CLYBL: variants seen among roughly 807,000 people sequenced by gnomAD.
The protein encoded by CLYBL is citramalyl-CoA lyase.
A neutral mutation model predicts 38.9 loss-of-function variants in CLYBL; 31 were observed. The ratio of observed to expected loss-of-function variants is 0.80; its 90% CI spans 0.60 to 1.08. The LOEUF (loss-of-function observed/expected upper bound fraction) is 1.08. Ranked by LOEUF, CLYBL falls within the 50% of genes least tolerant of loss-of-function variation. CLYBL has a pLI of 0.00. For missense variants in CLYBL, 434 were observed against 411.6 expected, an observed-to-expected ratio of 1.05 and a Z score of -0.47; for synonymous variants, 171 against 158.6, an observed-to-expected ratio of 1.08 and a Z score of -0.59.
intron 1 of CLYBL, among the ~76,000 whole-genome samples, chr13:99,738,145 A>G (rs1284443361): frequency 1.3e-5 from 2 of 152,356 alleles, no homozygotes; most frequent in Non-Finnish European, 2.9e-5. Context: ...TGATTGAAAT[A>G]TCTGCCTTTA....
chr13:99,666,376 A>T (rs2047481620), intron 1 of CLYBL, among the ~76,000 whole-genome samples: 1 of 151,950 alleles, frequency 6.6e-6, no homozygotes, highest in Non-Finnish European at 1.5e-5. Context: ...CATGGGGATG[A>T]CTCGGTGGGT....
intron 1 of CLYBL, among the ~76,000 whole-genome samples, chr13:99,695,049 G>A (rs577446304): frequency 7.3e-4 from 111 of 152,250 alleles, no homozygotes; most frequent in Admixed American, 1.8e-3. Context: ...CCGCGAGAGC[G>A]ATACGGCTTG....
intron 1 of CLYBL, among the ~76,000 whole-genome samples, chr13:99,692,731 A>G (rs995874242): frequency 5.9e-5 from 9 of 152,118 alleles, no homozygotes; most frequent in African/African-American, 2.2e-4. Flanking sequence ...TTCACTCCCT[A>G]TGCACCCCTC....
chr13:99,752,641 C>T (rs1208817542), intron 1 of CLYBL, among the ~76,000 whole-genome samples: 1 of 152,056 alleles, frequency 6.6e-6, no homozygotes, highest in African/African-American at 2.4e-5. Context: ...GCTGTCCCTG[C>T]GCTGCTGTCT....
At chr13:99,709,302 T>A (rs1473272367) in intron 1 of CLYBL, among the ~76,000 whole-genome samples, 8 of 152,134 alleles carry the variant, frequency 5.3e-5, no homozygotes, top group Non-Finnish European at 1.2e-4. Flanking sequence ...GTTTCAGACT[T>A]CCAGCCTCCA....
In CLYBL at chr13:99,799,352, C is replaced by T. The variant is rs570041014; in HGVS notation, c.249+26342C>T. On this transcript the variant is annotated intron_variant, in intron 2 of 8. Coordinates refer to ENST00000339105, the MANE Select transcript of CLYBL (RefSeq NM_206808.5). ...ATACACATACATATAAATATATACA[C>T]GTATATTGCATGATATACACACATT... 7.0e-5 allele frequency among the ~76,000 whole-genome samples: 10 copies of T among 142,224 alleles called. No homozygotes were observed. The South Asian group carries it at 9.0e-4, about 13-fold the overall frequency. The allele number at this position is 142,224 out of a possible 152,430, so 93.3% of individuals were successfully genotyped here.
intron 1 of CLYBL, among the ~76,000 whole-genome samples, chr13:99,625,059 G>A (rs1002530018): frequency 2.6e-5 from 4 of 152,174 alleles, no homozygotes; most frequent in South Asian, 2.1e-4. Flanking sequence ...TATGGCCAGC[G>A]TGTGGAAGAG....
At chr13:99,864,524 A>T (rs2051690797) in intron 4 of CLYBL, among the ~76,000 whole-genome samples, 1 of 152,254 alleles carries the variant, frequency 6.6e-6, no homozygotes, top group African/African-American at 2.4e-5. Context: ...TAAATAACTT[A>T]TAGTGCAAGC....
chr13:99,691,591 AAAAAACC>A, intron 1 of CLYBL, among the ~76,000 whole-genome samples: 1 of 151,998 alleles, frequency 6.6e-6, no homozygotes, highest in South Asian at 2.1e-4. Context: ...TGACCTAAAA[AAAAAACC>A]AAAAAACAAA....
intron 1 of CLYBL, among the ~76,000 whole-genome samples, chr13:99,616,183 A>G (rs1327454407): frequency 1.7e-5 from 2 of 119,376 alleles, no homozygotes; most frequent in Non-Finnish European, 3.3e-5. Flanking sequence ...TGGTGAAGCT[A>G]TGTTGCCCAG....
At chr13:99,645,502 A>AC (rs1350900905) in intron 1 of CLYBL, among the ~76,000 whole-genome samples, 1 of 151,422 alleles carries the variant, frequency 6.6e-6, no homozygotes, top group African/African-American at 2.4e-5. Flanking sequence ...TGTCTCAAAA[A>AC]AAAAAAAAAA....
At chr13:99,702,990 G>A (rs1270019856) in intron 1 of CLYBL, among the ~76,000 whole-genome samples, 1 of 152,218 alleles carries the variant, frequency 6.6e-6, no homozygotes, top group Non-Finnish European at 1.5e-5. Context: ...CGTGAATACA[G>A]TATCTTTTCA....
At chr13:99,879,919 GGA>G (rs1241077330) in intron 7 of CLYBL, among the ~76,000 whole-genome samples, 2 of 151,964 alleles carry the variant, frequency 1.3e-5, no homozygotes, top group Non-Finnish European at 2.9e-5. Flanking sequence ...AATAACCAGA[GGA>G]GAGATCATCA....
At chr13:99,856,509 A>G (rs1268073366) in intron 2 of CLYBL, among the ~76,000 whole-genome samples, 1 of 152,182 alleles carries the variant, frequency 6.6e-6, no homozygotes, top group East Asian at 1.9e-4. Context: ...CACATTGACA[A>G]ACTCCAGCAA....
At chr13:99,748,728 C>T (rs888617168) in intron 1 of CLYBL, among the ~76,000 whole-genome samples, 17 of 151,930 alleles carry the variant, frequency 1.1e-4, no homozygotes, top group African/African-American at 2.7e-4. Context: ...CATGAGCCAC[C>T]GCGCACGGCC....
chr13:99,781,700 A>G (rs1438805906), intron 2 of CLYBL, among the ~76,000 whole-genome samples: 8 of 149,172 alleles, frequency 5.4e-5, no homozygotes, highest in African/African-American at 2.0e-4. Flanking sequence ...CTGATCTTGA[A>G]CTCCTGACCT....
intron 1 of CLYBL, among the ~76,000 whole-genome samples, chr13:99,735,869 C>T (rs1338269085): frequency 2.6e-5 from 4 of 151,852 alleles, no homozygotes; most frequent in Non-Finnish European, 5.9e-5. Flanking sequence ...GATACAGTAT[C>T]CCTAATACAC....
Position 99,613,532 on chromosome 13 carries a change from G to A in CLYBL, c.62+6775G>A, listed in dbSNP as rs568803222. Among the ~76,000 whole-genome samples the A allele has an allele frequency of 1.3e-4, 20 of 152,188 alleles. No individual in the cohort carries two copies. In the East Asian group the frequency reaches 2.7e-3, roughly 21 times the overall value. On this transcript the variant is annotated intron_variant, in intron 1 of 8. Transcript: ENST00000339105. ...CCGTGACAACCACTACTGTCCCTCTGTACTGCTGTGAGGCCACTAAGGGAA... is the reference window on the plus strand; with the variant it reads ...CCGTGACAACCACTACTGTCCCTCTATACTGCTGTGAGGCCACTAAGGGAA...
intron 2 of CLYBL, among the ~76,000 whole-genome samples, chr13:99,846,286 ATTTT>A (rs5806139): frequency 3.7e-5 from 4 of 108,146 alleles, no homozygotes; most frequent in East Asian, 2.8e-4. Flanking sequence ...TTGTGTGGAG[ATTTT>A]TTTTTTTTTT....
Sources: allele counts gnomAD v4.1 joint callset (sites outside exome capture counted in the v4.1 genomes callset), GRCh38; gene constraint gnomAD v4.1.1; transcripts MANE v1.5; gene names NCBI Gene and HGNC (gene_info 2026-07-23, HGNC 2026-07-21).